EVI5L: variants seen among roughly 807,000 people sequenced by gnomAD.
EVI5L encodes the protein EVI5-like protein.
A neutral mutation model predicts 106.1 loss-of-function variants in EVI5L; 30 were observed. The observed-to-expected ratio is 0.28, with a 90% CI of 0.21 to 0.38. The LOEUF is 0.38. Ranked by LOEUF, EVI5L falls within the 10% of genes least tolerant of loss-of-function variation. The probability of loss-of-function intolerance (pLI) is 1.00; values close to 1 mark genes in which losing one functional copy is unlikely to be tolerated. For missense variants in EVI5L, 809 were observed against 1,098.0 expected, an observed-to-expected ratio of 0.74 and a Z score of 3.72; for synonymous variants, 489 against 483.3, an observed-to-expected ratio of 1.01 and a Z score of -0.15.
chr19:7,848,242 C>G lies in EVI5L; in HGVS notation c.327+321C>G, dbSNP rs984405672. 2.6e-5 allele frequency among the ~76,000 whole-genome samples: 4 copies of G among 151,766 alleles called. No homozygotes were observed. The highest frequency in any genetic ancestry group is 9.7e-5 in the African/African-American group (4 of 41,256). On this transcript the variant is annotated intron_variant, in intron 3 of 19. Transcript: ENST00000538904. The surrounding 1 kb of genome is among the most constrained non-coding windows in gnomAD (Gnocchi z 4.8). ...CCAAGGTGGGAGGATCGCTTGAGGC[C>G]AGGAGTTCGAGGCCAGCCTGGGCAA... is the stretch of plus-strand genomic sequence containing the variant.
Position 7,845,623 on chromosome 19 carries a change from G to A in EVI5L, c.-47-873G>A, listed in dbSNP as rs773336407. 3.7e-4 allele frequency among the ~76,000 whole-genome samples: 56 copies of A among 152,340 alleles called. No homozygotes were observed. The highest frequency in any genetic ancestry group is 1.3e-3 in the African/African-American group (55 of 41,574). On this transcript the variant is annotated intron_variant, in intron 1 of 19. Transcript: ENST00000538904. This position sits in a 1 kb window ranked among gnomAD's most constrained non-coding sequence, Gnocchi z 4.0. ...TGACTGGCCCAAGGTCACACAGCTG[G>A]TTGAGGGGAGCCATGCTTCAGACGC...
In EVI5L at chr19:7,848,022, G is replaced by C. The variant is rs1195828924; in HGVS notation, c.327+101G>C. The C allele has an allele frequency of 2.7e-5, 35 of 1,288,674 alleles. No individual in the cohort carries two copies. Among genetic ancestry groups the C allele is most frequent in the Non-Finnish European group, 3.7e-5 (35 of 955,382 alleles). 79.8% of individuals were successfully genotyped at this position (1,288,674 alleles called of 1,614,324 possible). On this transcript the variant is annotated intron_variant, in intron 3 of 19. Transcript: ENST00000538904. This position sits in a 1 kb window ranked among gnomAD's most constrained non-coding sequence, Gnocchi z 4.8. ...GCCAGGGTCTGCGGGGCCCCAGCCT[G>C]GGCACAGCGGCAGCAGTGGAGATGT...
Position 7,850,124 on chromosome 19 carries a change from TGAGCAGGGCCGCAGGA to T in EVI5L, c.753+12_753+27del, listed in dbSNP as rs1350361503. The T allele has an allele frequency of 8.7e-6, 14 of 1,601,874 alleles. No homozygotes were observed. Among genetic ancestry groups the T allele is most frequent in the African/African-American group, 2.7e-5 (2 of 74,758 alleles). On this transcript the variant is annotated splice_donor_5th_base_variant and intron_variant, in intron 6 of 19. Transcript: ENST00000538904. The surrounding 1 kb of genome is among the most constrained non-coding windows in gnomAD (Gnocchi z 5.4). ...TATCAGTTCGAGTACATGCTGCAGG[TGAGCAGGGCCGCAGGA>T]GAGCAGGGCTGCAGGAGGGCAGGGC...
At chr19:7,842,599 T>C (rs1978679548) in intron 1 of EVI5L, among the ~76,000 whole-genome samples, 1 of 151,674 alleles carries the variant, frequency 6.6e-6, no homozygotes, top group Non-Finnish European at 1.5e-5. Context: ...TGTGTGAATG[T>C]GCATGGGTGT....
chr19:7,834,308 A>G (rs1978313199), intron 1 of EVI5L, among the ~76,000 whole-genome samples: 1 of 152,236 alleles, frequency 6.6e-6, no homozygotes, highest in South Asian at 2.1e-4. Flanking sequence ...TGGGCAACAG[A>G]GCGAGACTCC....
Position 7,848,770 on chromosome 19 carries a change from G to A in EVI5L, c.328-151G>A. ...GGTGACAGAGGGAGACCCTGTCTCT[G>A]AAAAAAGGGGGTAAAAAAAGGATTG... On this transcript the variant is annotated intron_variant, in intron 3 of 19. Coordinates refer to ENST00000538904, the MANE Select transcript of EVI5L (RefSeq NM_001159944.3). This position sits in a 1 kb window ranked among gnomAD's most constrained non-coding sequence, Gnocchi z 4.8. 1 of 700,912 alleles carries A rather than the reference G, an allele frequency of 1.4e-6. No homozygotes were observed. Among genetic ancestry groups the A allele is most frequent in the Non-Finnish European group, 2.3e-6 (1 of 425,996 alleles). 43.4% of individuals were successfully genotyped at this position (700,912 alleles called of 1,614,324 possible).
chr19:7,836,780 C>G (rs1008323258), intron 1 of EVI5L, among the ~76,000 whole-genome samples: 1 of 151,850 alleles, frequency 6.6e-6, no homozygotes, highest in Non-Finnish European at 1.5e-5. Context: ...GCCACTACAC[C>G]TAGCTAATTT....
rs762437129 is a variant in EVI5L at position 7,846,614 on chromosome 19, C to G, written c.72C>G (p.Thr24=). The change falls in exon 2 of 20, where the codon ACC becomes ACG. Residue 24 remains threonine, a synonymous_variant. Transcript: ENST00000538904. The part of the protein sequence containing the change: ...EALSAPTCSP[T]SDSENLSPDE... ...TGTCGGCCCCCACCTGCTCCCCAAC[C>G]TCTGACTCCGAGAACCTCAGCCCCG... is the stretch of plus-strand genomic sequence containing the variant. 3 of 1,613,768 alleles carry G rather than the reference C, an allele frequency of 1.9e-6. No individual in the cohort carries two copies. Among genetic ancestry groups the G allele is most frequent in the Non-Finnish European group, 1.7e-6 (2 of 1,179,986 alleles).
At position 7,857,286 on chromosome 19, in the gene EVI5L, C is replaced by T. The variant is rs914494181; in HGVS notation, c.1233+162C>T. 45 of 890,138 alleles carry T rather than the reference C, an allele frequency of 5.1e-5. No homozygotes were observed. Among genetic ancestry groups the T allele is most frequent in the African/African-American group, 4.3e-4 (26 of 60,320 alleles). The allele number at this position is 890,138 out of a possible 1,614,324, so 55.1% of individuals were successfully genotyped here. A position where few individuals can be genotyped will look rare whatever the true frequency, so the allele number is the denominator to read the frequency against. On this transcript the variant is annotated intron_variant, in intron 12 of 19. Transcript: ENST00000538904. This position sits in a 1 kb window ranked among gnomAD's most constrained non-coding sequence, Gnocchi z 4.5. Reference sequence around the variant, plus strand: ...GCTTCTGGGGGACACAGAGGCTTCCCGGGGGGGCGGGGCATGTGAAGTGGG... The same window carrying T: ...GCTTCTGGGGGACACAGAGGCTTCCTGGGGGGGCGGGGCATGTGAAGTGGG...
intron 1 of EVI5L, among the ~76,000 whole-genome samples, chr19:7,834,103 T>C (rs1262587963): frequency 5.9e-5 from 9 of 152,076 alleles, no homozygotes; most frequent in Admixed American, 2.0e-4. Flanking sequence ...TCCCGGCACT[T>C]TGGGAGGCCG....
Position 7,863,333 on chromosome 19 carries a change from CG to C in EVI5L, c.2139+54del. ...AGGCCTGGGTGTCGTCGGCCTGGGA[CG>C]AGCCGAGCGCAGGTGCCTTGCGGAG... On this transcript the variant is annotated intron_variant, in intron 19 of 19. Transcript: ENST00000538904. This position sits in a 1 kb window ranked among gnomAD's most constrained non-coding sequence, Gnocchi z 7.7. The C allele has an allele frequency of 6.5e-7, 1 of 1,546,976 alleles. No individual in the cohort carries two copies. The highest frequency in any genetic ancestry group is 8.7e-7 in the Non-Finnish European group (1 of 1,145,658).
In EVI5L at chr19:7,853,277, G is replaced by A. The variant is rs774968452; in HGVS notation, c.1090G>A (p.Glu364Lys). 9 of 1,613,808 alleles carry A rather than the reference G, an allele frequency of 5.6e-6. No individual in the cohort carries two copies. The highest frequency in any genetic ancestry group is 5.9e-6 in the Non-Finnish European group (7 of 1,179,976). The change falls in exon 10 of 20, where the codon GAG becomes AAG. Residue 364 changes from glutamate (E) to lysine (K), a missense_variant. By Grantham distance (56) the Glu-to-Lys change is moderately conservative. This residue lies in a region of EVI5L where 357 missense variants were observed against 588.1 expected (regional missense o/e 0.61). Coordinates refer to ENST00000538904, the MANE Select transcript of EVI5L (RefSeq NM_001159944.3). ...CGGGGCCCTCCCGATCTGCAGGCTGGAGAAGGAGTACGCAGCCATGAAGAG... is the reference window on the plus strand; with the variant it reads ...CGGGGCCCTCCCGATCTGCAGGCTGAAGAAGGAGTACGCAGCCATGAAGAG... ...KYNPKKMKRLEKEYAAMKSKE... is the reference protein window; with the variant it reads ...KYNPKKMKRLKKEYAAMKSKE...
intron 8 of EVI5L, among the ~76,000 whole-genome samples, 171 bp downstream of exon 8, chr19:7,851,941 C>G (rs1029281167): frequency 6.6e-6 from 1 of 152,120 alleles, no homozygotes; most frequent in African/African-American, 2.4e-5. Context: ...CCCTAAGGGA[C>G]CAGAGGACCC....
At chr19:7,842,003 G>T (rs1978622619) in intron 1 of EVI5L, among the ~76,000 whole-genome samples, 1 of 152,210 alleles carries the variant, frequency 6.6e-6, no homozygotes, top group African/African-American at 2.4e-5. Context: ...AAGTGTGTGA[G>T]CGCGTGTGTG....
chr19:7,863,894 G>T lies in EVI5L; in HGVS notation c.*192G>T, dbSNP rs986265935. On this transcript the variant is annotated 3_prime_UTR_variant, in exon 20 of 20. Transcript: ENST00000538904. This position sits in a 1 kb window ranked among gnomAD's most constrained non-coding sequence, Gnocchi z 7.7. The stretch of plus-strand genomic sequence containing the variant: ...CTGGGCTCCTCAGGGCCCCGGGGCA[G>T]GCTCTCTATCCCCAGCAGTGTTTAC... 3.7e-5 allele frequency: 27 copies of T among 736,114 alleles called. No individual in the cohort carries two copies. Among genetic ancestry groups the T allele is most frequent in the Non-Finnish European group, 8.2e-6 (4 of 485,230 alleles). The allele number at this position is 736,114 out of a possible 1,614,324, so 45.6% of individuals were successfully genotyped here.
chr19:7,863,934 A>C lies in EVI5L; in HGVS notation c.*232A>C. 1.9e-6 allele frequency: 1 copy of C among 539,442 alleles called. No individual in the cohort carries two copies. The highest frequency in any genetic ancestry group is 3.1e-6 in the Non-Finnish European group (1 of 324,966). The allele number at this position is 539,442 out of a possible 1,614,324, so 33.4% of individuals were successfully genotyped here. ...GCAGTGTTTACCCATCTTGGTCTGT[A>C]CCCCTCCGGGCCCTCTGGCGTTCCA... On this transcript the variant is annotated 3_prime_UTR_variant, in exon 20 of 20. Coordinates refer to ENST00000538904, the MANE Select transcript of EVI5L (RefSeq NM_001159944.3). The surrounding 1 kb of genome is among the most constrained non-coding windows in gnomAD (Gnocchi z 7.7).
Position 7,850,108 on chromosome 19 carries a change from G to A in EVI5L, c.739G>A (p.Glu247Lys). Residue 247 changes from glutamate to lysine, a missense_variant, in exon 6 of 20, where the codon GAG (glutamate) becomes AAG (lysine). This residue lies in a region of EVI5L where 357 missense variants were observed against 588.1 expected (regional missense o/e 0.61). Transcript: ENST00000538904. The surrounding 1 kb of genome is among the most constrained non-coding windows in gnomAD (Gnocchi z 5.4). ...GCTCGGGCTCTGCATCTATCAGTTCGAGTACATGCTGCAGGTGAGCAGGGC... is the reference window on the plus strand; with the variant it reads ...GCTCGGGCTCTGCATCTATCAGTTCAAGTACATGCTGCAGGTGAGCAGGGC... ...AELGLCIYQF[E>K]YMLQEQLPDL... 2 of 1,605,090 alleles carry A rather than the reference G, an allele frequency of 1.2e-6. No homozygotes were observed. Among genetic ancestry groups the A allele is most frequent in the Non-Finnish European group, 1.7e-6 (2 of 1,176,320 alleles).
chr19:7,852,271 CT>C (rs1415833619), intron 8 of EVI5L, among the ~76,000 whole-genome samples: 1 of 152,240 alleles, frequency 6.6e-6, no homozygotes, highest in African/African-American at 2.4e-5. Flanking sequence ...CCCCTGCCCC[CT>C]CCCCGCGTCC....
chr19:7,846,877 G>A (rs1978976144), intron 2 of EVI5L, among the ~76,000 whole-genome samples, 198 bp downstream of exon 2: 1 of 152,242 alleles, frequency 6.6e-6, no homozygotes, highest in African/African-American at 2.4e-5. Context: ...ACCCTGTTCA[G>A]ATGAGACTGA....
Sources: allele counts gnomAD v4.1 joint callset (sites outside exome capture counted in the v4.1 genomes callset), GRCh38; gene constraint gnomAD v4.1.1; regional missense constraint gnomAD v4.1.1; non-coding constraint Gnocchi (gnomAD v3.1); transcripts MANE v1.5; gene names NCBI Gene and HGNC (gene_info 2026-07-23, HGNC 2026-07-21).